The following OXR1 variants were observed in gnomAD, a reference collection of about 807,000 sequenced individuals.
OXR1 encodes the protein oxidation resistance 1, also known as oxidation resistance protein 1.
A neutral mutation model predicts 104.6 loss-of-function variants in OXR1; 41 were observed. That is an observed-to-expected ratio of 0.39 (90% CI 0.31 to 0.51). OXR1 has a LOEUF of 0.51. Ranked by LOEUF, OXR1 falls within the 20% of genes least tolerant of loss-of-function variation. OXR1 has a pLI of 0.77. For missense variants in OXR1, 955 were observed against 1,031.9 expected, an observed-to-expected ratio of 0.93 and a Z score of 1.02; for synonymous variants, 348 against 348.4, an observed-to-expected ratio of 1.00 and a Z score of 0.01.
chr8:106,725,489 C>T (rs1015485839), intron 11 of OXR1, among the ~76,000 whole-genome samples: 1 of 152,136 alleles, frequency 6.6e-6, no homozygotes, highest in African/African-American at 2.4e-5. Context: ...AAAAAATTCA[C>T]TTCTTTGCTT....
At chr8:106,741,362 G>A (rs996310247) in intron 14 of OXR1, among the ~76,000 whole-genome samples, 1 of 152,066 alleles carries the variant, frequency 6.6e-6, no homozygotes, top group Non-Finnish European at 1.5e-5. Flanking sequence ...ACTCCTTCAG[G>A]TAGTTGAGAC....
At chr8:106,593,067 CG>C (rs757291886) in intron 3 of OXR1, among the ~76,000 whole-genome samples, 11 of 152,162 alleles carry the variant, frequency 7.2e-5, no homozygotes, top group Non-Finnish European at 1.2e-4. Context: ...GAAGCTTTCC[CG>C]GATTCTTCAA....
At chr8:106,666,232 T>C (rs1296933831) in intron 3 of OXR1, among the ~76,000 whole-genome samples, 1 of 152,206 alleles carries the variant, frequency 6.6e-6, no homozygotes, top group African/African-American at 2.4e-5. Context: ...TAGTTACGAC[T>C]CTCTGTTTTG....
chr8:106,528,303 C>A (rs1813841305), intron 3 of OXR1, among the ~76,000 whole-genome samples: 1 of 152,146 alleles, frequency 6.6e-6, no homozygotes, highest in Admixed American at 6.5e-5. Context: ...GGGAAATGGT[C>A]CCTAAAATAT....
intron 2 of OXR1, among the ~76,000 whole-genome samples, chr8:106,409,368 G>A (rs1818369964): frequency 6.6e-6 from 1 of 152,114 alleles, no homozygotes; most frequent in Admixed American, 6.6e-5. Context: ...TGGAGGCTGA[G>A]ACAGCAGTAT....
At chr8:106,481,181 A>T (rs188882461) in intron 2 of OXR1, among the ~76,000 whole-genome samples, 1 of 152,122 alleles carries the variant, frequency 6.6e-6, no homozygotes, top group Non-Finnish European at 1.5e-5. Flanking sequence ...AGATCTTAGA[A>T]TCTTAAATAG....
rs1006772237 is a variant in OXR1, at chr8:106,544,865, C to T, written c.220+25726C>T. On this transcript the variant is annotated intron_variant, in intron 3 of 16. Transcript: ENST00000517566. ...AGCACACTTACATAGACTGGAATTT[C>T]GCCATCCGGATTTGGATTAGCTTAT... Among the ~76,000 whole-genome samples, 9 of 152,028 alleles carry T rather than the reference C, an allele frequency of 5.9e-5. No homozygotes were observed. The South Asian group carries it at 8.3e-4, about 14-fold the overall frequency.
chr8:106,386,576 A>G (rs1287967362), intron 2 of OXR1, among the ~76,000 whole-genome samples: 2 of 152,220 alleles, frequency 1.3e-5, no homozygotes, highest in African/African-American at 4.8e-5. Flanking sequence ...TGGAAAAGCA[A>G]TAATGGAATG....
chr8:106,316,360 G>T (rs1467873714), intron 1 of OXR1, among the ~76,000 whole-genome samples: 4 of 152,186 alleles, frequency 2.6e-5, no homozygotes, highest in African/African-American at 9.6e-5. Flanking sequence ...CATACATTGT[G>T]CCTTGAAGGC....
chr8:106,306,193 A>AAT (rs1209128970), intron 1 of OXR1, among the ~76,000 whole-genome samples: 1 of 152,134 alleles, frequency 6.6e-6, no homozygotes, highest in Non-Finnish European at 1.5e-5. Context: ...TGGCTGGGGC[A>AAT]ATATTAGACA....
At position 106,738,172 on chromosome 8, in the gene OXR1, GAAAGC is replaced by G. The variant is rs568368041; in HGVS notation, c.2037+575_2037+579del. Among the ~76,000 whole-genome samples, 38 of 151,964 alleles carry G rather than the reference GAAAGC, an allele frequency of 2.5e-4. No homozygotes were observed. The East Asian group carries it at 5.8e-3, about 23-fold the overall frequency. ...TTTGTGATTTTTTTTTTAGAAACAA[GAAAGC>G]AATGTAATTGAAAACTCATTTTTAA... is the stretch of plus-strand genomic sequence containing the variant. On this transcript the variant is annotated intron_variant, in intron 12 of 16. Transcript: ENST00000517566.
At chr8:106,750,680 G>A in intron 16 of OXR1, 126 bp from the exon 17 acceptor site, 2 of 654,750 alleles carry the variant, frequency 3.1e-6, no homozygotes, top group Non-Finnish European at 5.0e-6. Flanking sequence ...GTGTCAGTGT[G>A]GAAAGGAGTA....
At chr8:106,657,478 G>C (rs1202682465) in intron 3 of OXR1, 1 of 152,386 alleles carries the variant, frequency 6.6e-6, no homozygotes, top group East Asian at 1.9e-4. Flanking sequence ...TCTCCCCTGG[G>C]CCATTTTTAG....
chr8:106,278,234 A>G (rs966459061), intron 1 of OXR1, among the ~76,000 whole-genome samples: 27 of 152,226 alleles, frequency 1.8e-4, no homozygotes, highest in African/African-American at 5.8e-4. Flanking sequence ...GCTACAAACA[A>G]CTGTTCAAGG....
intron 2 of OXR1, among the ~76,000 whole-genome samples, chr8:106,397,559 T>A (rs991400983): frequency 2.6e-5 from 4 of 152,118 alleles, no homozygotes; most frequent in Non-Finnish European, 5.9e-5. Context: ...CAGAAGATGA[T>A]TATACTCTTG....
intron 1 of OXR1, among the ~76,000 whole-genome samples, chr8:106,339,436 A>G (rs1468680181): frequency 7.2e-6 from 1 of 138,018 alleles, no homozygotes; most frequent in Non-Finnish European, 1.5e-5. Context: ...CGGAGCTTGC[A>G]GTGAGCTGAG....
At chr8:106,524,028 G>T (rs940982112) in intron 3 of OXR1, among the ~76,000 whole-genome samples, 2 of 151,894 alleles carry the variant, frequency 1.3e-5, no homozygotes, top group African/African-American at 4.8e-5. Context: ...CATCTGCCTC[G>T]ACCTCCCAAA....
chr8:106,564,567 G>A (rs1160282026), intron 3 of OXR1, among the ~76,000 whole-genome samples: 3 of 152,092 alleles, frequency 2.0e-5, no homozygotes, highest in Non-Finnish European at 4.4e-5. Flanking sequence ...AAGAGGAGCT[G>A]GTACCATTCC....
chr8:106,653,758 A>G (rs1949495502), intron 3 of OXR1, among the ~76,000 whole-genome samples: 1 of 151,984 alleles, frequency 6.6e-6, no homozygotes, highest in South Asian at 2.1e-4. Context: ...ATTAGGCAAG[A>G]AAAAAAGGCA....
Sources: allele counts gnomAD v4.1 joint callset (sites outside exome capture counted in the v4.1 genomes callset), GRCh38; gene constraint gnomAD v4.1.1; transcripts MANE v1.5; gene names NCBI Gene and HGNC (gene_info 2026-07-23, HGNC 2026-07-21).